STAT4: variants seen among roughly 807,000 people sequenced by gnomAD.
STAT4 encodes signal transducer and activator of transcription 4.
In STAT4, 42 loss-of-function variants were observed where a neutral mutation model predicts 110.5. The observed-to-expected ratio is 0.38, with a 90% CI of 0.30 to 0.49. The LOEUF (loss-of-function observed/expected upper bound fraction) is 0.49, where lower values mean the gene tolerates loss of function less well. Among genes scored for constraint, STAT4 ranks in the 20% least tolerant of loss-of-function variants. The pLI, the probability that STAT4 is intolerant of heterozygous loss-of-function variation, is 0.95. For missense variants in STAT4, 632 were observed against 887.9 expected (o/e 0.71, Z 3.66); for synonymous variants, 284 against 302.2 (o/e 0.94, Z 0.63).
At chr2:191,092,820 G>C (rs1697839656) in intron 3 of STAT4, among the ~76,000 whole-genome samples, 1 of 152,150 alleles carries the variant, frequency 6.6e-6, no homozygotes, top group Admixed American at 6.6e-5. Flanking sequence ...GACTGTACCT[G>C]GAAAATTGGG....
chr2:191,072,650 C>A (rs150172959), intron 5 of STAT4, among the ~76,000 whole-genome samples: 28 of 151,918 alleles, frequency 1.8e-4, no homozygotes, highest in African/African-American at 6.8e-4. Context: ...TTTAAGACAT[C>A]TTCACTAGAT....
intron 3 of STAT4, among the ~76,000 whole-genome samples, chr2:191,085,134 T>TCTC (rs1376792692): frequency 6.6e-6 from 1 of 151,726 alleles, no homozygotes; most frequent in East Asian, 1.9e-4. Context: ...GGAAAGTAAG[T>TCTC]CTCCTCTCTG....
rs982870952 is a variant in STAT4 at position 191,076,872 on chromosome 2, C to T, written c.274-547G>A. Among the ~76,000 whole-genome samples, 4 of 151,986 alleles carry T rather than the reference C, an allele frequency of 2.6e-5. No homozygotes were observed. In the South Asian group the frequency reaches 8.3e-4, roughly 32 times the overall value. On this transcript the variant is annotated intron_variant, in intron 3 of 23. Coordinates refer to ENST00000392320, the MANE Select transcript of STAT4 (RefSeq NM_003151.4). ...GTTGGTCAGGCTGGTCTCGAACTCC[C>T]GAACCCAGGTGATCCATCTGCCTCA...
rs149680319 is a variant in STAT4, at chr2:191,081,127, C to T, written c.274-4802G>A. ...TGTTCTTGTGTTAGTTTGCTGAGAA[C>T]GATGGCTTCCAGCTTCATCCATGTC... On this transcript the variant is annotated intron_variant, in intron 3 of 23. Transcript: ENST00000392320. 7.4e-4 allele frequency among the ~76,000 whole-genome samples: 113 copies of T among 152,174 alleles called. 2 individuals carry two copies. The East Asian group carries it at 0.018, about 24-fold the overall frequency.
intron 1 of STAT4, among the ~76,000 whole-genome samples, chr2:191,149,947 T>C (rs1699551085): frequency 1.3e-5 from 2 of 152,202 alleles, no homozygotes; most frequent in Admixed American, 1.3e-4. Context: ...AGGATGAATA[T>C]GGTTAACAAT....
intron 3 of STAT4, among the ~76,000 whole-genome samples, chr2:191,084,304 C>G (rs755151727): frequency 6.6e-5 from 10 of 151,754 alleles, no homozygotes; most frequent in Admixed American, 2.6e-4. Flanking sequence ...CTTGCTTAAC[C>G]TGTCTATAAG....
chr2:191,074,260 G>A (rs768881278), intron 4 of STAT4, among the ~76,000 whole-genome samples: 7 of 152,150 alleles, frequency 4.6e-5, no homozygotes, highest in African/African-American at 7.2e-5. Context: ...AGTTGGGTGG[G>A]GAGCCATGGT....
chr2:191,121,082 A>G (rs1312680455), intron 3 of STAT4, among the ~76,000 whole-genome samples: 4 of 152,218 alleles, frequency 2.6e-5, no homozygotes, highest in African/African-American at 4.8e-5. Flanking sequence ...CAAGAAAAAA[A>G]CAAACAACCC....
At chr2:191,067,624 G>A (rs1697031370) in intron 6 of STAT4, among the ~76,000 whole-genome samples, 1 of 152,120 alleles carries the variant, frequency 6.6e-6, no homozygotes, top group Non-Finnish European at 1.5e-5. Context: ...CCCTTATGAA[G>A]AAGGGCATAT....
rs1225260395 is a variant in STAT4 at position 191,135,775 on chromosome 2, C to T, written c.273+10838G>A. Among the ~76,000 whole-genome samples, 4 of 152,028 alleles carry T rather than the reference C, an allele frequency of 2.6e-5. No homozygotes were observed. Among genetic ancestry groups the T allele is most frequent in the Non-Finnish European group, 5.9e-5 (4 of 67,996 alleles). Reference sequence around the variant, plus strand: ...TGCCAACACACTTGACCTTTACTGCCAAATTCTATCAAACTTTCATAGAAG... The same window carrying T: ...TGCCAACACACTTGACCTTTACTGCTAAATTCTATCAAACTTTCATAGAAG... On this transcript the variant is annotated intron_variant, in intron 3 of 23. Coordinates refer to ENST00000392320, the MANE Select transcript of STAT4 (RefSeq NM_003151.4). This position sits in a 1 kb window ranked among gnomAD's most constrained non-coding sequence, Gnocchi z 4.8.
At position 191,033,097 on chromosome 2, in the gene STAT4, A is replaced by G. The variant is rs1335357633; in HGVS notation, c.1905T>C (p.Ala635=). ...VEPYNKGRLS[A]LPFADILRDY... is the part of the protein sequence containing the mutation. ...CTCGCAGGATGTCAGCGAATGGCAGAGCAGACAACCGGCCTTTATTGTAGG... is the reference window on the plus strand; with the variant it reads ...CTCGCAGGATGTCAGCGAATGGCAGGGCAGACAACCGGCCTTTATTGTAGG... Residue 635 remains alanine (A), a synonymous_variant, in exon 21 of 24, where the codon GCT becomes GCC. Transcript: ENST00000392320. This position sits in a 1 kb window ranked among gnomAD's most constrained non-coding sequence, Gnocchi z 6.9. The G allele has an allele frequency of 6.2e-7, 1 of 1,614,220 alleles. No individual in the cohort carries two copies. The highest frequency in any genetic ancestry group is 1.3e-5 in the African/African-American group (1 of 75,056).
chr2:191,100,544 C>T (rs778186478), intron 3 of STAT4, among the ~76,000 whole-genome samples: 11 of 152,046 alleles, frequency 7.2e-5, no homozygotes, highest in Non-Finnish European at 1.5e-4. Flanking sequence ...ATGCTAACAC[C>T]TACAGGTGAG....
intron 7 of STAT4, among the ~76,000 whole-genome samples, chr2:191,065,479 GA>G (rs754971483): frequency 1.3e-5 from 2 of 152,094 alleles, no homozygotes; most frequent in Non-Finnish European, 2.9e-5. Flanking sequence ...TAAGCTATAT[GA>G]ACATGAACAA....
At chr2:191,096,625 T>C (rs57574009) in intron 3 of STAT4, among the ~76,000 whole-genome samples, 2,762 of 152,218 alleles carry the variant, frequency 0.018, 94 homozygotes, top group African/African-American at 0.064. Flanking sequence ...TATCTCAAAA[T>C]AATAAGAGCT....
Position 191,143,662 on chromosome 2 carries a change from C to T in STAT4, c.273+2951G>A, listed in dbSNP as rs1469354292. Among the ~76,000 whole-genome samples, 1 of 152,116 alleles carries T rather than the reference C, an allele frequency of 6.6e-6. No individual in the cohort carries two copies. The highest frequency in any genetic ancestry group is 6.5e-5 in the Admixed American group (1 of 15,282). ...CAAAATAAATCTACCTTATACATCCCTTAGTTCCCCAGGTATCATATTGTT... is the reference window on the plus strand; with the variant it reads ...CAAAATAAATCTACCTTATACATCCTTTAGTTCCCCAGGTATCATATTGTT... On this transcript the variant is annotated intron_variant, in intron 3 of 23. Coordinates refer to ENST00000392320, the MANE Select transcript of STAT4 (RefSeq NM_003151.4). This position sits in a 1 kb window ranked among gnomAD's most constrained non-coding sequence, Gnocchi z 5.6.
intron 14 of STAT4, 95 bp downstream of exon 14, chr2:191,054,394 AT>A: frequency 2.0e-6 from 2 of 1,007,674 alleles, no homozygotes; most frequent in Non-Finnish European, 2.9e-6. Context: ...CATGAATTTG[AT>A]TTTATATGAA....
At chr2:191,136,024 C>CAACAAAAAAAAAAAAAAAAAAAAAAA (rs1699173438) in intron 3 of STAT4, among the ~76,000 whole-genome samples, 1 of 43,724 alleles carries the variant, frequency 2.3e-5, no homozygotes, top group African/African-American at 6.4e-5. Context: ...AAAAAAAAAC[C>CAACAAAAAAAAAAAAAAAAAAAAAAA]AAAAAACAAA....
chr2:191,121,721 T>C (rs1460962729), intron 3 of STAT4, among the ~76,000 whole-genome samples: 1 of 131,276 alleles, frequency 7.6e-6, no homozygotes, highest in African/African-American at 2.9e-5. Flanking sequence ...AATCGAAAAA[T>C]GAGAACACTT....
intron 3 of STAT4, among the ~76,000 whole-genome samples, chr2:191,096,277 G>A (rs1198673324): frequency 2.0e-5 from 3 of 152,134 alleles, no homozygotes; most frequent in Non-Finnish European, 4.4e-5. Context: ...TATGAGGCCA[G>A]CATCATCCTG....
Sources: gnomAD v4.1 joint callset for allele counts (sites outside exome capture counted in the v4.1 genomes callset) on GRCh38, gnomAD v4.1.1 for gene constraint, Gnocchi (gnomAD v3.1) non-coding constraint, MANE v1.5 for transcripts, NCBI Gene and HGNC (gene_info 2026-07-23, HGNC 2026-07-21) for gene names.